NNT: variants seen among roughly 807,000 people sequenced by gnomAD.
NNT encodes nicotinamide nucleotide transhydrogenase, also known as NAD(P) transhydrogenase, mitochondrial.
NNT carries 50 observed loss-of-function variants against 104.8 expected under a neutral mutation model. That is an observed-to-expected ratio of 0.48 (90% CI 0.38 to 0.60). The LOEUF (loss-of-function observed/expected upper bound fraction) is 0.60. NNT is among the 20% of genes least tolerant of loss of function. The probability of loss-of-function intolerance (pLI) is 0.00; values close to 1 mark genes in which losing one functional copy is unlikely to be tolerated. For synonymous variants in NNT, 461 were observed against 490.4 expected, an observed-to-expected ratio of 0.94 and a Z score of 0.79; for missense variants, 1,131 against 1,330.7, an observed-to-expected ratio of 0.85 and a Z score of 2.33.
intron 17 of NNT, among the ~76,000 whole-genome samples, chr5:43,670,785 G>T (rs1741023402): frequency 6.6e-6 from 1 of 152,222 alleles, no homozygotes. Flanking sequence ...ACATTCTGTA[G>T]ATGTCTATTA....
intron 7 of NNT, among the ~76,000 whole-genome samples, chr5:43,635,878 G>A (rs1449035590): frequency 6.6e-6 from 1 of 152,096 alleles, no homozygotes; most frequent in Non-Finnish European, 1.5e-5. Context: ...TGAGGTATTG[G>A]GGGTTAGGGC....
chr5:43,613,085 G>T lies in NNT; in HGVS notation c.329G>T (p.Gly110Val). The change falls in exon 3 of 22, where the codon GGT becomes GTT. Residue 110 changes from glycine (G) to valine (V), a missense_variant. Transcript: ENST00000344920. The stretch of plus-strand genomic sequence containing the variant: ...TCAGATGATCACTATAGAGTGGCAG[G>T]TGCCCAAATCCAAGGGGCAAAGGAA... ...KFSDDHYRVAGAQIQGAKEVL... is the reference protein window; with the variant it reads ...KFSDDHYRVAVAQIQGAKEVL... The T allele has an allele frequency of 6.2e-7, 1 of 1,614,106 alleles. No homozygotes were observed. Among genetic ancestry groups the T allele is most frequent in the Non-Finnish European group, 8.5e-7 (1 of 1,180,012 alleles).
intron 19 of NNT, among the ~76,000 whole-genome samples, chr5:43,693,527 C>T (rs1311432373): frequency 6.6e-6 from 1 of 152,104 alleles, no homozygotes. Flanking sequence ...AGTTTGAAAA[C>T]AGCTGTAGTA....
intron 17 of NNT, among the ~76,000 whole-genome samples, chr5:43,674,398 G>A (rs1293401997): frequency 2.6e-5 from 4 of 152,064 alleles, no homozygotes; most frequent in East Asian, 1.9e-4. Context: ...TAGTTGTCTC[G>A]ATGTGGTACT....
chr5:43,694,738 T>TTGTGTGTGTGTGTGTGTGTGTG (rs61079918), intron 19 of NNT, among the ~76,000 whole-genome samples: 1 of 137,816 alleles, frequency 7.3e-6, no homozygotes, highest in East Asian at 2.2e-4. Flanking sequence ...GGCCTAAAGT[T>TTGTGTGTGTGTGTGTGTGTGTG]TGTGTGTGTG....
chr5:43,644,123 G>A lies in NNT; in HGVS notation c.965-69G>A, dbSNP rs116684633. The A allele has an allele frequency of 4.2e-4, 595 of 1,412,716 alleles. 2 individuals are homozygous for A. In the African/African-American group the frequency reaches 7.9e-3, roughly 19 times the overall value. The allele number at this position is 1,412,716 out of a possible 1,614,324, so 87.5% of individuals were successfully genotyped here. A position where few individuals can be genotyped will look rare whatever the true frequency, so the allele number is the denominator to read the frequency against. ...AATTCCTGAATGCCCAGAGACTACTGTAATAATTAGACTTTAAGGTGTTAG... is the reference window on the plus strand; with the variant it reads ...AATTCCTGAATGCCCAGAGACTACTATAATAATTAGACTTTAAGGTGTTAG... On this transcript the variant is annotated intron_variant, in intron 7 of 21. Coordinates refer to ENST00000344920, the MANE Select transcript of NNT (RefSeq NM_182977.3).
chr5:43,696,784 C>T (rs920983705), intron 19 of NNT, among the ~76,000 whole-genome samples: 1 of 152,222 alleles, frequency 6.6e-6, no homozygotes, highest in Non-Finnish European at 1.5e-5. Context: ...GGGCTTCCAC[C>T]TTCTGAAGTA....
chr5:43,621,097 C>T (rs1157618837), intron 5 of NNT, among the ~76,000 whole-genome samples: 1 of 152,180 alleles, frequency 6.6e-6, no homozygotes, highest in African/African-American at 2.4e-5. Flanking sequence ...ATAATACTGT[C>T]TTTTATTTGG....
intron 19 of NNT, among the ~76,000 whole-genome samples, chr5:43,696,762 T>C (rs909547352): frequency 6.6e-6 from 1 of 152,216 alleles, no homozygotes; most frequent in Non-Finnish European, 1.5e-5. Context: ...ATGTGGAAGC[T>C]ACCAAGGCTT....
chr5:43,673,185 C>T (rs536049150), intron 17 of NNT, among the ~76,000 whole-genome samples: 15 of 152,304 alleles, frequency 9.8e-5, no homozygotes, highest in South Asian at 2.1e-4. Flanking sequence ...CCTCCATCAC[C>T]GCTTCCCTTG....
chr5:43,679,624 G>T (rs1175666276), intron 19 of NNT, among the ~76,000 whole-genome samples: 1 of 152,162 alleles, frequency 6.6e-6, no homozygotes, highest in Non-Finnish European at 1.5e-5. Flanking sequence ...TTTTGTTTCT[G>T]ATCTGATTAA....
chr5:43,615,442 A>G, intron 3 of NNT, among the ~76,000 whole-genome samples: 1 of 152,222 alleles, frequency 6.6e-6, no homozygotes, highest in Non-Finnish European at 1.5e-5. Context: ...CAAGGACTGA[A>G]TCTTGCTTGA....
Position 43,605,492 on chromosome 5 carries a change from C to T in NNT, c.-54+2198C>T, listed in dbSNP as rs556657385. On this transcript the variant is annotated intron_variant, in intron 1 of 21. Transcript: ENST00000344920. ...GATTGCGCCACTGCAGTCCGCAGTC[C>T]GGCCTGGGCGACAGAGCGAGACTCC... is the stretch of plus-strand genomic sequence containing the variant. Among the ~76,000 whole-genome samples, 673 of 120,834 alleles carry T rather than the reference C, an allele frequency of 5.6e-3. 5 individuals carry two copies. The highest frequency in any genetic ancestry group is 0.019 in the African/African-American group (595 of 30,752). The allele number at this position is 120,834 out of a possible 152,430, so 79.3% of individuals were successfully genotyped here.
At chr5:43,621,029 T>C (rs1362405065) in intron 5 of NNT, among the ~76,000 whole-genome samples, 2 of 152,232 alleles carry the variant, frequency 1.3e-5, no homozygotes, top group Non-Finnish European at 2.9e-5. Context: ...TTTGGTTACA[T>C]GACAGAAATA....
chr5:43,679,848 A>G (rs1741607786), intron 19 of NNT, among the ~76,000 whole-genome samples: 1 of 152,046 alleles, frequency 6.6e-6, no homozygotes, highest in African/African-American at 2.4e-5. Flanking sequence ...ATTGCTTCAC[A>G]TAATTATTAA....
intron 17 of NNT, among the ~76,000 whole-genome samples, chr5:43,671,438 T>C (rs971199469): frequency 1.3e-5 from 2 of 152,234 alleles, no homozygotes; most frequent in African/African-American, 2.4e-5. Flanking sequence ...TTCCTTTCCA[T>C]GTGTAGTGCT....
intron 17 of NNT, among the ~76,000 whole-genome samples, chr5:43,660,533 G>C (rs1203965100): frequency 6.6e-6 from 1 of 152,094 alleles, no homozygotes; most frequent in Non-Finnish European, 1.5e-5. Flanking sequence ...ACAAGAAAGG[G>C]ATCTGTATTA....
Position 43,656,728 on chromosome 5 carries a change from G to A in NNT, c.2369G>A (p.Gly790Asp). The A allele has an allele frequency of 3.1e-6, 5 of 1,614,182 alleles. No individual in the cohort carries two copies. The highest frequency in any genetic ancestry group is 4.2e-6 in the Non-Finnish European group (5 of 1,180,024). ...GCAGGCTTACTGGCTGCTAGTGTGG[G>A]CGGGATAATCCCATTCATGGTGGAC... The part of the protein sequence containing the change: ...LNAGLLAASV[G>D]GIIPFMVDPS... Residue 790 changes from glycine (G) to aspartate (D), a missense_variant, in exon 16 of 22, where the codon GGC becomes GAC. By Grantham distance (94) the Gly-to-Asp change is moderately conservative. Transcript: ENST00000344920.
At chr5:43,623,730 G>T (rs778338253) in intron 5 of NNT, among the ~76,000 whole-genome samples, 2 of 152,176 alleles carry the variant, frequency 1.3e-5, no homozygotes, top group Non-Finnish European at 2.9e-5. Context: ...TTCAACATAC[G>T]TAATGCTGAT....
Sources: allele counts gnomAD v4.1 joint callset (sites outside exome capture counted in the v4.1 genomes callset), GRCh38; gene constraint gnomAD v4.1.1; transcripts MANE v1.5; gene names NCBI Gene and HGNC (gene_info 2026-07-23, HGNC 2026-07-21).